Variants in NRG3 observed in about 807,000 individuals in gnomAD.
NRG3 encodes the protein pro-neuregulin-3, membrane-bound isoform.
In NRG3, 31 loss-of-function variants were observed where a neutral mutation model predicts 66.9. The observed-to-expected ratio is 0.46, with a 90% CI of 0.35 to 0.63. The LOEUF (loss-of-function observed/expected upper bound fraction) is 0.63, where lower values mean the gene tolerates loss of function less well. Ranked by LOEUF, NRG3 falls within the 20% of genes least tolerant of loss-of-function variation. The pLI is 0.00. For missense variants in NRG3, 910 were observed against 878.9 expected, an observed-to-expected ratio of 1.04 and a Z score of -0.45; for synonymous variants, 393 against 359.4, an observed-to-expected ratio of 1.09 and a Z score of -1.06.
At chr10:82,779,953 T>A (rs568470909) in intron 3 of NRG3, among the ~76,000 whole-genome samples, 1 of 150,340 alleles carries the variant, frequency 6.7e-6, no homozygotes, top group Non-Finnish European at 1.5e-5. Context: ...CTCCCACTTA[T>A]GAGTGAGAAC....
At chr10:82,074,537 C>T (rs1415865203) in intron 1 of NRG3, among the ~76,000 whole-genome samples, 1 of 152,108 alleles carries the variant, frequency 6.6e-6, no homozygotes, top group Non-Finnish European at 1.5e-5. Context: ...GCTACCATAG[C>T]AGGCTAGACA....
At chr10:82,026,021 A>C (rs1020524063) in intron 1 of NRG3, among the ~76,000 whole-genome samples, 4 of 152,078 alleles carry the variant, frequency 2.6e-5, no homozygotes, top group African/African-American at 9.7e-5. Context: ...TCATCTTGGC[A>C]TGTGGGTTCC....
At chr10:81,960,240 AGAGTTTTCT>A (rs1484983585) in intron 1 of NRG3, among the ~76,000 whole-genome samples, 1 of 152,164 alleles carries the variant, frequency 6.6e-6, no homozygotes, top group Non-Finnish European at 1.5e-5. Context: ...AGAGAGAGGG[AGAGTTTTCT>A]TACTAAAATT....
chr10:81,885,297 G>T (rs925157931), intron 1 of NRG3, among the ~76,000 whole-genome samples: 1 of 152,096 alleles, frequency 6.6e-6, no homozygotes. Flanking sequence ...AAAGTGTCAG[G>T]GAACATTTGG....
chr10:82,818,628 C>A lies in NRG3; in HGVS notation c.1028-46783C>A, dbSNP rs2061817551. Among the ~76,000 whole-genome samples the A allele has an allele frequency of 2.0e-5, 3 of 151,962 alleles. No individual in the cohort carries two copies. In the South Asian group the frequency reaches 6.3e-4, roughly 32 times the overall value. On this transcript the variant is annotated intron_variant, in intron 3 of 8. Transcript: ENST00000372141. ...TCTAGCGGAGGGTGGGGGAGTCTTT[C>A]TTTTTTTTCTTTGCATAAATCTCTA...
chr10:82,117,897 C>G lies in NRG3; in HGVS notation c.824-240842C>G, dbSNP rs569016469. On this transcript the variant is annotated intron_variant, in intron 1 of 8. Coordinates refer to ENST00000372141, the MANE Select transcript of NRG3 (RefSeq NM_001010848.4). ...CCATTGTGAAGCCACACTGCCTGTG[C>G]TTACATTTCGCCTTCATTACTTGAT... Among the ~76,000 whole-genome samples the G allele has an allele frequency of 2.6e-5, 4 of 152,290 alleles. No individual in the cohort carries two copies. The South Asian group carries it at 8.3e-4, about 32-fold the overall frequency.
chr10:82,415,286 C>T (rs1369352837), intron 2 of NRG3, among the ~76,000 whole-genome samples: 86 of 152,136 alleles, frequency 5.7e-4, no homozygotes, highest in South Asian at 2.1e-4. Context: ...AAATGTCGTT[C>T]ATATGGTTGC....
At chr10:82,664,393 T>C (rs1030290636) in intron 2 of NRG3, among the ~76,000 whole-genome samples, 1 of 152,192 alleles carries the variant, frequency 6.6e-6, no homozygotes, top group South Asian at 2.1e-4. Flanking sequence ...CTTCCGAGAC[T>C]GTTTTCATCA....
chr10:82,640,140 A>G (rs1161328253), intron 2 of NRG3, among the ~76,000 whole-genome samples: 1 of 152,222 alleles, frequency 6.6e-6, no homozygotes, highest in African/African-American at 2.4e-5. Context: ...ACCATTTGAC[A>G]CAGCAATACC....
At chr10:82,577,660 G>A (rs1252667521) in intron 2 of NRG3, among the ~76,000 whole-genome samples, 1 of 151,596 alleles carries the variant, frequency 6.6e-6, no homozygotes, top group Non-Finnish European at 1.5e-5. Flanking sequence ...GGTAAACACT[G>A]AAAAATGCAA....
chr10:82,956,063 A>C (rs914253949), intron 5 of NRG3, among the ~76,000 whole-genome samples: 1 of 151,902 alleles, frequency 6.6e-6, no homozygotes, highest in Non-Finnish European at 1.5e-5. Flanking sequence ...GTTGATACCA[A>C]GAGCTCTCCT....
intron 2 of NRG3, among the ~76,000 whole-genome samples, chr10:82,623,050 G>A (rs953673467): frequency 3.3e-5 from 5 of 151,854 alleles, no homozygotes; most frequent in Non-Finnish European, 7.4e-5. Context: ...ATCTCTGCCA[G>A]ATATTTTTTA....
At chr10:82,362,657 T>A (rs2084263028) in intron 2 of NRG3, among the ~76,000 whole-genome samples, 1 of 151,260 alleles carries the variant, frequency 6.6e-6, no homozygotes, top group Non-Finnish European at 1.5e-5. Context: ...CCTAAAATGT[T>A]GGGATTACAG....
chr10:82,903,859 A>G (rs1844467719), intron 4 of NRG3, among the ~76,000 whole-genome samples: 1 of 152,072 alleles, frequency 6.6e-6, no homozygotes, highest in Non-Finnish European at 1.5e-5. Flanking sequence ...TAACTTCCAC[A>G]TTGTCCAAGG....
chr10:82,346,523 T>A (rs1400035897), intron 1 of NRG3, among the ~76,000 whole-genome samples: 1 of 151,912 alleles, frequency 6.6e-6, no homozygotes, highest in Non-Finnish European at 1.5e-5. Context: ...GGTCTAAAAT[T>A]CTCTTTTTTG....
At chr10:82,676,834 AC>A (rs1204071203) in intron 2 of NRG3, among the ~76,000 whole-genome samples, 1 of 150,618 alleles carries the variant, frequency 6.6e-6, no homozygotes, top group Non-Finnish European at 1.5e-5. Flanking sequence ...TTTTCTTTGA[AC>A]GTTTTTTTTT....
intron 1 of NRG3, among the ~76,000 whole-genome samples, chr10:82,267,005 A>G (rs2078333688): frequency 6.6e-6 from 1 of 152,174 alleles, no homozygotes; most frequent in Admixed American, 6.5e-5. Context: ...ATAAAAATCC[A>G]GATTCTACCC....
At position 82,452,691 on chromosome 10, in the gene NRG3, G is replaced by T. The variant is rs190898645; in HGVS notation, c.953+93823G>T. On this transcript the variant is annotated intron_variant, in intron 2 of 8. Coordinates refer to ENST00000372141, the MANE Select transcript of NRG3 (RefSeq NM_001010848.4). ...TCCTTTTTTTTTTCTTGCCACAATT[G>T]GAGTTCTAAACCCCTTATAATAAGC... Among the ~76,000 whole-genome samples, 30 of 151,486 alleles carry T rather than the reference G, an allele frequency of 2.0e-4. No homozygotes were observed. The East Asian group carries it at 4.9e-3, about 25-fold the overall frequency.
At chr10:82,686,838 C>T (rs776459198) in intron 2 of NRG3, among the ~76,000 whole-genome samples, 1 of 152,078 alleles carries the variant, frequency 6.6e-6, no homozygotes, top group African/African-American at 2.4e-5. Flanking sequence ...TGAAATTGAT[C>T]AATGCATATA....
Sources: gnomAD v4.1 joint callset for allele counts (sites outside exome capture counted in the v4.1 genomes callset) on GRCh38, gnomAD v4.1.1 for gene constraint, MANE v1.5 for transcripts, NCBI Gene and HGNC (gene_info 2026-07-23, HGNC 2026-07-21) for gene names.